CERS6: variants seen among roughly 807,000 people sequenced by gnomAD.
CERS6 encodes the protein ceramide synthase 6, also known as LAG1 homolog, ceramide synthase 6.
A neutral mutation model predicts 56.8 loss-of-function variants in CERS6; 26 were observed. The observed-to-expected ratio is 0.46, with a 90% CI of 0.34 to 0.63. The LOEUF is 0.63. Among genes scored for constraint, CERS6 ranks in the 30% least tolerant of loss-of-function variants. The pLI is 0.01. For synonymous variants in CERS6, 164 were observed against 173.3 expected (o/e 0.95, Z 0.42); for missense variants, 415 against 467.5 (o/e 0.89, Z 1.04).
rs991327365 is a variant in CERS6, at chr2:168,771,401, A to G, written c.*1739A>G. 2.0e-5 allele frequency: 3 copies of G among 152,200 alleles called. No individual in the cohort carries two copies. Among genetic ancestry groups the G allele is most frequent in the Non-Finnish European group, 2.9e-5 (2 of 68,030 alleles). The allele number at this position is 152,200 out of a possible 1,614,324, so 9.4% of individuals were successfully genotyped here. A position where few individuals can be genotyped will look rare whatever the true frequency, so the allele number is the denominator to read the frequency against. Reference sequence around the variant, plus strand: ...TTATGGTCCTTAGTAATAATTGAAGAGGCTTAGAAATACATCTGCTTGTTT... The same window carrying G: ...TTATGGTCCTTAGTAATAATTGAAGGGGCTTAGAAATACATCTGCTTGTTT... On this transcript the variant is annotated 3_prime_UTR_variant, in exon 10 of 10. Coordinates refer to ENST00000305747, the MANE Select transcript of CERS6 (RefSeq NM_203463.3).
chr2:168,763,224 T>TTC (rs1311400215), intron 8 of CERS6, among the ~76,000 whole-genome samples: 45 of 145,592 alleles, frequency 3.1e-4, no homozygotes, highest in East Asian at 4.2e-4. Flanking sequence ...CAATAATTGT[T>TTC]TCTCTCTCTC....
chr2:168,747,113 T>A (rs1332246330), intron 8 of CERS6, among the ~76,000 whole-genome samples: 3 of 151,850 alleles, frequency 2.0e-5, no homozygotes, highest in Non-Finnish European at 2.9e-5. Flanking sequence ...ACCTCGTCTC[T>A]ATTAAAAATA....
intron 9 of CERS6, among the ~76,000 whole-genome samples, chr2:168,769,283 G>A (rs952330582): frequency 2.6e-5 from 4 of 152,172 alleles, no homozygotes. Flanking sequence ...AAGAAGTCAA[G>A]AAGTCTAGCC....
chr2:168,746,806 TATATATATATATATAA>T lies in CERS6; in HGVS notation c.846-18784_846-18769del, dbSNP rs1182666425. ...ATATATATATATATATATATATATA[TATATATATATATATAA>T]AATCATCTTTGAAAAAATGATTATA... On this transcript the variant is annotated intron_variant, in intron 8 of 9. Transcript: ENST00000305747. 1.2e-3 allele frequency among the ~76,000 whole-genome samples: 136 copies of T among 110,096 alleles called. 2 individuals are homozygous for T. Among genetic ancestry groups the T allele is most frequent in the Non-Finnish European group, 1.6e-3 (89 of 54,632 alleles). The allele number at this position is 110,096 out of a possible 152,430, so 72.2% of individuals were successfully genotyped here.
intron 1 of CERS6, among the ~76,000 whole-genome samples, chr2:168,506,450 A>G (rs1204765170): frequency 6.6e-6 from 1 of 152,220 alleles, no homozygotes; most frequent in Non-Finnish European, 1.5e-5. Context: ...CACCTGATTT[A>G]TCCATTCTTT....
chr2:168,603,624 T>G (rs1376501686), intron 3 of CERS6, among the ~76,000 whole-genome samples: 4 of 152,358 alleles, frequency 2.6e-5, no homozygotes, highest in Admixed American at 1.3e-4. Flanking sequence ...TTTTAACATC[T>G]TTCAGATGCG....
chr2:168,663,350 T>C (rs1685680426), intron 4 of CERS6, among the ~76,000 whole-genome samples: 1 of 152,196 alleles, frequency 6.6e-6, no homozygotes, highest in African/African-American at 2.4e-5. Context: ...TAGGAAAATA[T>C]AAAGGCAGTC....
In CERS6 at chr2:168,665,952, CTGTGTGTGTGTGTGTG is replaced by C. The variant is rs58913968; in HGVS notation, c.466-25058_466-25043del. 8.4e-5 allele frequency among the ~76,000 whole-genome samples: 12 copies of C among 143,290 alleles called. No homozygotes were observed. In the South Asian group the frequency reaches 1.4e-3, roughly 17 times the overall value. The allele number at this position is 143,290 out of a possible 152,430, so 94.0% of individuals were successfully genotyped here. ...AGAATTTTTTTAAAAAATTAGTAGA[CTGTGTGTGTGTGTGTG>C]TGTGTGTGTGTGTGTGTGTGTGTAG... is the stretch of plus-strand genomic sequence containing the variant. On this transcript the variant is annotated intron_variant, in intron 4 of 9. Transcript: ENST00000305747.
chr2:168,604,572 G>A (rs1684008113), intron 3 of CERS6, among the ~76,000 whole-genome samples: 1 of 152,196 alleles, frequency 6.6e-6, no homozygotes, highest in African/African-American at 2.4e-5. Context: ...GGCCTGGGGA[G>A]GTGACCGAAT....
chr2:168,673,453 A>G (rs1685974114), intron 4 of CERS6, among the ~76,000 whole-genome samples: 1 of 152,244 alleles, frequency 6.6e-6, no homozygotes, highest in South Asian at 2.1e-4. Context: ...TCAAGTTTCC[A>G]TTCGTGGGGT....
chr2:168,640,511 C>G (rs1410260291), intron 4 of CERS6, among the ~76,000 whole-genome samples: 3 of 152,226 alleles, frequency 2.0e-5, no homozygotes, highest in African/African-American at 7.2e-5. Flanking sequence ...ATGGATGAAA[C>G]AGTCTGAGAC....
chr2:168,528,204 A>T (rs1272140103), intron 1 of CERS6, among the ~76,000 whole-genome samples: 1 of 152,226 alleles, frequency 6.6e-6, no homozygotes, highest in Non-Finnish European at 1.5e-5. Context: ...AGTATTACAG[A>T]AGGTAGTTTC....
At chr2:168,545,499 A>AT (rs1209783874) in intron 1 of CERS6, among the ~76,000 whole-genome samples, 1 of 150,468 alleles carries the variant, frequency 6.6e-6, no homozygotes. Context: ...AATACTAAAA[A>AT]TTTTTTTTGA....
At chr2:168,675,251 C>A (rs535580048) in intron 4 of CERS6, among the ~76,000 whole-genome samples, 1 of 151,896 alleles carries the variant, frequency 6.6e-6, no homozygotes, top group Non-Finnish European at 1.5e-5. Context: ...GGATTACAGG[C>A]GTGAGCCACC....
intron 1 of CERS6, among the ~76,000 whole-genome samples, chr2:168,488,718 T>A (rs1018619384): frequency 4.0e-5 from 6 of 151,536 alleles, no homozygotes; most frequent in East Asian, 1.9e-4. Flanking sequence ...TTTAAAAAAA[T>A]TTTTTTTTGG....
intron 5 of CERS6, among the ~76,000 whole-genome samples, chr2:168,693,872 T>G (rs1281194485): frequency 6.6e-6 from 1 of 152,206 alleles, no homozygotes; most frequent in Non-Finnish European, 1.5e-5. Flanking sequence ...TTAGGATTGC[T>G]GGTTCTAGTA....
intron 1 of CERS6, among the ~76,000 whole-genome samples, chr2:168,472,908 A>G (rs1694003476): frequency 6.6e-6 from 1 of 152,302 alleles, no homozygotes; most frequent in East Asian, 1.9e-4. Context: ...AAAAAACCAG[A>G]TATTTTGAAC....
At chr2:168,566,251 A>C (rs1695881231) in intron 3 of CERS6, among the ~76,000 whole-genome samples, 1 of 152,152 alleles carries the variant, frequency 6.6e-6, no homozygotes, top group African/African-American at 2.4e-5. Context: ...CTACTCAGTG[A>C]TTTGAATTGG....
chr2:168,741,373 TAAAA>T (rs200311434), intron 8 of CERS6, among the ~76,000 whole-genome samples: 50,214 of 146,624 alleles, frequency 0.34, 8,932 homozygotes, highest in East Asian at 0.52. Flanking sequence ...TTTGGAGAAT[TAAAA>T]AAAAAAAAAA....
Sources: allele counts gnomAD v4.1 joint callset (sites outside exome capture counted in the v4.1 genomes callset), GRCh38; gene constraint gnomAD v4.1.1; transcripts MANE v1.5; gene names NCBI Gene and HGNC (gene_info 2026-07-23, HGNC 2026-07-21).